BTD: variants seen among roughly 807,000 people sequenced by gnomAD.
The protein encoded by BTD is biocytinase.
Under a neutral mutation model 17.7 loss-of-function variants are expected in BTD, and 13 were observed. The observed-to-expected ratio is 0.74, with a 90% CI of 0.48 to 1.17. The LOEUF (loss-of-function observed/expected upper bound fraction) is 1.17, where lower values mean the gene tolerates loss of function less well. Among genes scored for constraint, BTD ranks in the 50% most tolerant of loss-of-function variants. The pLI is 0.00. For synonymous variants in BTD, 240 were observed against 245.2 expected, an observed-to-expected ratio of 0.98 and a Z score of 0.20; for missense variants, 674 against 650.4, an observed-to-expected ratio of 1.04 and a Z score of -0.39.
At chr3:15,684,963 AAAAAGAAAAG>A (rs752866830) in intron 3 of BTD, 3 of 421,328 alleles carry the variant, frequency 7.1e-6, no homozygotes, top group Admixed American at 4.0e-5. Flanking sequence ...ACCAAAACTA[AAAAAGAAAAG>A]AAAAGAAAAG....
rs7618983 is a variant in BTD, at chr3:15,699,755, G to A, written c.400-10305G>A. On this transcript the variant is annotated intron_variant, in intron 3 of 3. Transcript: ENST00000672141. ...AAACAACAGATGCTGGAGAGGATGT[G>A]GAGAAATAGGCATGCTTTTACACTG... Among the ~76,000 whole-genome samples, 621 of 152,326 alleles carry A rather than the reference G, an allele frequency of 4.1e-3. 8 individuals are homozygous for A. Among genetic ancestry groups the A allele is most frequent in the African/African-American group, 0.013 (552 of 41,580 alleles).
intron 2 of BTD, among the ~76,000 whole-genome samples, chr3:15,640,245 T>G (rs984319332): frequency 1.3e-5 from 2 of 152,254 alleles, no homozygotes; most frequent in Non-Finnish European, 2.9e-5. Context: ...ATAAGTGTTT[T>G]GAGCACACTA....
chr3:15,718,529 TA>T (rs1559399337), intron 4 of BTD, among the ~76,000 whole-genome samples: 1 of 152,134 alleles, frequency 6.6e-6, no homozygotes, highest in African/African-American at 2.4e-5. Context: ...AATACAGACT[TA>T]AAAACAATCA....
At chr3:15,670,709 A>G (rs562191615) in intron 3 of BTD, among the ~76,000 whole-genome samples, 1 of 152,372 alleles carries the variant, frequency 6.6e-6, no homozygotes, top group South Asian at 2.1e-4. Context: ...GCAAGTTTCT[A>G]ATAAGTAGAA....
chr3:15,688,439 T>C (rs1238188164), intron 3 of BTD, among the ~76,000 whole-genome samples: 1 of 152,198 alleles, frequency 6.6e-6, no homozygotes, highest in African/African-American at 2.4e-5. Flanking sequence ...AAGTGATATA[T>C]AACTTCACTC....
downstream of BTD, among the ~76,000 whole-genome samples, chr3:15,722,429 C>T (rs1246962958): frequency 2.0e-5 from 3 of 152,182 alleles, no homozygotes; most frequent in Non-Finnish European, 4.4e-5. Context: ...CTTTAGAATA[C>T]TCCTGCACTC....
intron 3 of BTD, among the ~76,000 whole-genome samples, chr3:15,700,645 G>A (rs1428761648): frequency 1.3e-5 from 2 of 151,902 alleles, no homozygotes; most frequent in African/African-American, 2.4e-5. Flanking sequence ...GTGGTGGCGG[G>A]CGCCTGTAGT....
At chr3:15,708,995 T>C (rs959501644) in intron 3 of BTD, among the ~76,000 whole-genome samples, 11 of 152,206 alleles carry the variant, frequency 7.2e-5, no homozygotes, top group Non-Finnish European at 1.0e-4. Context: ...CTGCCTTCAA[T>C]TCTTTCCTGT....
chr3:15,620,120 C>T (rs998577285), intron 1 of BTD, among the ~76,000 whole-genome samples: 9 of 152,106 alleles, frequency 5.9e-5, no homozygotes, highest in South Asian at 4.1e-4. Context: ...CTATGTTCAG[C>T]GGTGCACATA....
downstream of BTD, among the ~76,000 whole-genome samples, chr3:15,656,361 C>T (rs572111526): frequency 5.8e-4 from 88 of 152,286 alleles, 1 homozygote; most frequent in South Asian, 8.3e-3. Flanking sequence ...CCTCACGTCC[C>T]CTTCCCCTCC....
In BTD at chr3:15,690,824, T is replaced by C. The variant is rs554735094; in HGVS notation, c.400-19236T>C. On this transcript the variant is annotated intron_variant, in intron 3 of 3. Coordinates refer to the BTD transcript ENST00000672141. ...GCCTCAAGTCATCCTCCTACCTTGG[T>C]CTCTCAAAGTGCTAGGAATACAGGC... Among the ~76,000 whole-genome samples the C allele has an allele frequency of 6.6e-5, 10 of 152,222 alleles. No homozygotes were observed. In the East Asian group the frequency reaches 1.9e-3, roughly 29 times the overall value.
At chr3:15,624,333 C>T (rs2065020432) in intron 1 of BTD, among the ~76,000 whole-genome samples, 1 of 152,062 alleles carries the variant, frequency 6.6e-6, no homozygotes, top group Admixed American at 6.5e-5. Context: ...TATTCTTTCT[C>T]CTTCTGGTAT....
At chr3:15,616,881 G>A (rs1447117900) in intron 1 of BTD, among the ~76,000 whole-genome samples, 2 of 151,800 alleles carry the variant, frequency 1.3e-5, no homozygotes, top group East Asian at 3.9e-4. Flanking sequence ...CACCCAGGCT[G>A]GAGTGCAGTG....
chr3:15,689,438 AG>A (rs2068523981), intron 3 of BTD, among the ~76,000 whole-genome samples: 3 of 152,230 alleles, frequency 2.0e-5, no homozygotes, highest in Non-Finnish European at 2.9e-5. Flanking sequence ...CTGCCCCCTG[AG>A]GGGCCCCTAA....
Position 15,644,834 on chromosome 3 carries a change from A to G in BTD, c.918A>G (p.Glu306=). 1 of 1,614,212 alleles carries G rather than the reference A, an allele frequency of 6.2e-7. No individual in the cohort carries two copies. The highest frequency in any genetic ancestry group is 1.3e-5 in the African/African-American group (1 of 75,044). Residue 306 remains glutamate (E), a synonymous_variant, in exon 4 of 4, where the codon GAA becomes GAG. Transcript: ENST00000643237. ...AGTCCTTTTGGTACCATGACATGGA[A>G]AATCCCAAAAGTCACCTTATAATTG... The part of the protein sequence containing the change: ...PLESFWYHDM[E]NPKSHLIIAQ...
At chr3:15,659,839 T>G (rs2065905152) in intron 3 of BTD, among the ~76,000 whole-genome samples, 1 of 152,204 alleles carries the variant, frequency 6.6e-6, no homozygotes, top group South Asian at 2.1e-4. Flanking sequence ...ATGACTTTCC[T>G]TTTATCCTAT....
intron 3 of BTD, among the ~76,000 whole-genome samples, chr3:15,677,969 A>C (rs1268534204): frequency 6.6e-6 from 1 of 152,106 alleles, no homozygotes; most frequent in African/African-American, 2.4e-5. Flanking sequence ...AGGCAATCCA[A>C]CTCCACAGCC....
rs755321741 is a variant in BTD, at chr3:15,648,239, A to G, written c.*2751A>G. Among the ~76,000 whole-genome samples the G allele has an allele frequency of 1.2e-3, 180 of 150,684 alleles. No individual in the cohort carries two copies. Among genetic ancestry groups the G allele is most frequent in the Non-Finnish European group, 1.9e-3 (128 of 67,794 alleles). On this transcript the variant is annotated 3_prime_UTR_variant, in exon 4 of 4. Transcript: ENST00000643237. ...CAAGTGAAATGACCACTCAAAGAAC[A>G]ATTTCTCAACAAAGTGGATTTATAT...
At chr3:15,672,546 G>A (rs920931084) in intron 3 of BTD, among the ~76,000 whole-genome samples, 1 of 152,168 alleles carries the variant, frequency 6.6e-6, no homozygotes, top group African/African-American at 2.4e-5. Context: ...AAGGCTGTCC[G>A]TATTTTTAAT....
Sources: gnomAD v4.1 joint callset for allele counts (sites outside exome capture counted in the v4.1 genomes callset) on GRCh38, gnomAD v4.1.1 for gene constraint, MANE v1.5 for transcripts, NCBI Gene and HGNC (gene_info 2026-07-23, HGNC 2026-07-21) for gene names.